REV1: variants seen among roughly 807,000 people sequenced by gnomAD.
REV1 encodes the protein REV1 DNA directed polymerase, also known as translesion synthesis protein REV1.
A neutral mutation model predicts 137.4 loss-of-function variants in REV1; 42 were observed. The observed-to-expected ratio is 0.31, with a 90% CI of 0.24 to 0.40. REV1 has a LOEUF of 0.40. Ranked by LOEUF, REV1 falls within the 10% of genes least tolerant of loss-of-function variation. The probability of loss-of-function intolerance (pLI) is 1.00; values close to 1 mark genes in which losing one functional copy is unlikely to be tolerated. For missense variants in REV1, 1,282 were observed against 1,490.1 expected, an observed-to-expected ratio of 0.86 and a Z score of 2.30; for synonymous variants, 524 against 519.2, an observed-to-expected ratio of 1.01 and a Z score of -0.12.
At chr2:99,432,085 A>G (rs1680196221) in intron 8 of REV1, 1 of 184,114 alleles carries the variant, frequency 5.4e-6, no homozygotes, top group African/African-American at 2.4e-5. Context: ...GGCCCCAACC[A>G]TGAAATTTGG....
At position 99,439,246 on chromosome 2, in the gene REV1, T is replaced by C. The variant is rs1681162898; in HGVS notation, c.568A>G (p.Asn190Asp). 6.2e-7 allele frequency: 1 copy of C among 1,614,194 alleles called. No homozygotes were observed. ...EVKVNGMNSW[N>D]EEDENNDFSF... ...AAATCATTATTTTCATCTTCTTCAT[T>C]CCAACTGTTCATGCCATTGACTTTG... Residue 190 changes from asparagine to aspartate, a missense_variant, in exon 6 of 23, where the codon AAT (asparagine) becomes GAT (aspartate). Asn to Asp is a conservative substitution (Grantham distance 23). Coordinates refer to ENST00000258428, the MANE Select transcript of REV1 (RefSeq NM_016316.4).
At chr2:99,451,524 TA>T in intron 3 of REV1, 1 of 1,291,814 alleles carries the variant, frequency 7.7e-7, no homozygotes, top group Non-Finnish European at 1.0e-6. Context: ...CAAGATCACA[TA>T]AACTATGGAA....
At chr2:99,457,295 A>G (rs575974553) in intron 3 of REV1, among the ~76,000 whole-genome samples, 1 of 152,374 alleles carries the variant, frequency 6.6e-6, no homozygotes, top group Non-Finnish European at 1.5e-5. Flanking sequence ...TCAACATAGT[A>G]AAGATGTCAA....
At chr2:99,464,623 T>C (rs991702403) in intron 2 of REV1, among the ~76,000 whole-genome samples, 3 of 152,236 alleles carry the variant, frequency 2.0e-5, no homozygotes, top group African/African-American at 4.8e-5. Context: ...TCCCTTATTA[T>C]TGGATATTTA....
Position 99,435,846 on chromosome 2 carries a change from G to C in REV1, c.1309C>G (p.Pro437Ala), listed in dbSNP as rs768302521. The C allele has an allele frequency of 2.1e-5, 33 of 1,561,956 alleles. No individual in the cohort carries two copies. The highest frequency in any genetic ancestry group is 2.9e-5 in the Non-Finnish European group (33 of 1,135,426). The change falls in exon 7 of 23, where the codon CCA becomes GCA. Residue 437 changes from proline (P) to alanine (A), a missense_variant. Physicochemically the swap from Pro to Ala is conservative, Grantham distance 27. This residue lies in a region of REV1 where 432 missense variants were observed against 438.0 expected (regional missense o/e 0.99). Coordinates refer to ENST00000258428, the MANE Select transcript of REV1 (RefSeq NM_016316.4). ...FFVSVGIRNR[P>A]DLKGKPVAVT... ...CAAGAATACAGACCTTTGAGATCTGGTCTATTTCGTATACCCACTGATACA... is the reference window on the plus strand; with the variant it reads ...CAAGAATACAGACCTTTGAGATCTGCTCTATTTCGTATACCCACTGATACA...
intron 2 of REV1, 23 bp from the exon 3 acceptor site, chr2:99,462,645 C>G (rs765151032): frequency 1.3e-6 from 2 of 1,584,054 alleles, no homozygotes; most frequent in Non-Finnish European, 1.7e-6. Context: ...AAAAGGTAAA[C>G]CAATCACAAA....
intron 6 of REV1, among the ~76,000 whole-genome samples, chr2:99,437,719 A>C (rs185502591): frequency 1.2e-4 from 18 of 152,332 alleles, no homozygotes; most frequent in Admixed American, 1.2e-3. Flanking sequence ...AGCATTAAGA[A>C]TTAAATAACC....
At chr2:99,446,970 T>A in intron 4 of REV1, among the ~76,000 whole-genome samples, 1 of 152,068 alleles carries the variant, frequency 6.6e-6, no homozygotes, top group Non-Finnish European at 1.5e-5. Flanking sequence ...CTTCATATAC[T>A]AAGACCAAGT....
rs560870501 is a variant in REV1, at chr2:99,421,737, T to C, written c.1677-84A>G. 25 of 1,369,066 alleles carry C rather than the reference T, an allele frequency of 1.8e-5. No individual in the cohort carries two copies. The Admixed American group carries it at 2.8e-4, about 15-fold the overall frequency. 84.8% of individuals were successfully genotyped at this position (1,369,066 alleles called of 1,614,324 possible). The stretch of plus-strand genomic sequence containing the variant: ...ATGTTGCAAAATAGTCTTCTTATCC[T>C]CTCTTTTTTCTATTTCCTCACAAAG... On this transcript the variant is annotated intron_variant, in intron 10 of 22. Coordinates refer to ENST00000258428, the MANE Select transcript of REV1 (RefSeq NM_016316.4).
intron 1 of REV1, among the ~76,000 whole-genome samples, chr2:99,487,709 C>A (rs1300498603): frequency 1.7e-5 from 2 of 118,490 alleles, no homozygotes; most frequent in Non-Finnish European, 3.7e-5. Context: ...CACATATACA[C>A]ACCCATACAT....
At chr2:99,461,544 G>A (rs1240793027) in intron 3 of REV1, among the ~76,000 whole-genome samples, 2 of 152,200 alleles carry the variant, frequency 1.3e-5, no homozygotes, top group African/African-American at 4.8e-5. Flanking sequence ...TCAGCCAGCT[G>A]AGAAGGGGAC....
At chr2:99,483,960 T>C (rs1387172870) in intron 1 of REV1, among the ~76,000 whole-genome samples, 1 of 152,116 alleles carries the variant, frequency 6.6e-6, no homozygotes, top group African/African-American at 2.4e-5. Flanking sequence ...AGCCAATAAC[T>C]CATAATTTAG....
intron 6 of REV1, among the ~76,000 whole-genome samples, chr2:99,437,761 G>T (rs150874252): frequency 6.6e-6 from 1 of 151,924 alleles, no homozygotes; most frequent in African/African-American, 2.4e-5. Context: ...ATGATGTAAG[G>T]ATAATCTAGT....
intron 3 of REV1, among the ~76,000 whole-genome samples, chr2:99,453,562 A>C (rs1194211879): frequency 2.6e-5 from 4 of 152,118 alleles, no homozygotes; most frequent in Non-Finnish European, 4.4e-5. Context: ...TCCTTCAAGA[A>C]TGTCCTTGAT....
In REV1 at chr2:99,435,911, T is replaced by C. The variant is rs757039729; in HGVS notation, c.1244A>G (p.His415Arg). 17 of 1,606,188 alleles carry C rather than the reference T, an allele frequency of 1.1e-5. No individual in the cohort carries two copies. Among genetic ancestry groups the C allele is most frequent in the Non-Finnish European group, 1.3e-5 (15 of 1,174,024 alleles). Residue 415 changes from histidine to arginine, a missense_variant, in exon 7 of 23, where the codon CAT becomes CGT. This residue lies in a region of REV1 where 432 missense variants were observed against 438.0 expected (regional missense o/e 0.99). Transcript: ENST00000258428. Reference protein sequence around the residue: ...GDMSVLNSPRHQSCIMHVDMD... With the variant: ...GDMSVLNSPRRQSCIMHVDMD... ...ATCAACATGCATTATACAGCTCTGA[T>C]GTCTGGGAGAATTCAATACTGACAT...
intron 3 of REV1, among the ~76,000 whole-genome samples, chr2:99,453,892 CAAAAAAA>C (rs58291328): frequency 1.2e-4 from 6 of 48,036 alleles, no homozygotes; most frequent in African/African-American, 1.6e-4. Context: ...GGCTCTGTCT[CAAAAAAA>C]AAAAAAAAAA....
chr2:99,436,132 A>T (rs80087568), intron 6 of REV1, among the ~76,000 whole-genome samples, 191 bp from the exon 7 acceptor site: 1 of 151,542 alleles, frequency 6.6e-6, no homozygotes, highest in African/African-American at 2.4e-5. Context: ...GTCTCTAATT[A>T]GTCAAAAAGT....
Position 99,401,047 on chromosome 2 carries a change from T to C in REV1, c.*194A>G, listed in dbSNP as rs553432144. 2.4e-6 allele frequency: 1 copy of C among 410,414 alleles called. No homozygotes were observed. Among genetic ancestry groups the C allele is most frequent in the South Asian group, 4.7e-5 (1 of 21,254 alleles). The allele number at this position is 410,414 out of a possible 1,614,324, so 25.4% of individuals were successfully genotyped here. ...TTTGTAAATAGAATCTATGCTACAG[T>C]AAAATAATTAACACAATTATTTACA... On this transcript the variant is annotated 3_prime_UTR_variant, in exon 23 of 23. Coordinates refer to ENST00000258428, the MANE Select transcript of REV1 (RefSeq NM_016316.4).
At chr2:99,404,786 A>ATG (rs1237637242) in intron 17 of REV1, 109 bp from the exon 18 acceptor site, 3 of 783,272 alleles carry the variant, frequency 3.8e-6, no homozygotes, top group African/African-American at 1.8e-5. Context: ...TGGATAATCA[A>ATG]TGTAAGGTAC....
Sources: gnomAD v4.1 joint callset for allele counts (sites outside exome capture counted in the v4.1 genomes callset) on GRCh38, gnomAD v4.1.1 for gene constraint, gnomAD v4.1.1 regional missense constraint, MANE v1.5 for transcripts, NCBI Gene and HGNC (gene_info 2026-07-23, HGNC 2026-07-21) for gene names.